The following TPRG1 variants were observed in gnomAD, a reference collection of about 807,000 sequenced individuals.
TPRG1 encodes tumor protein p63-regulated gene 1 protein.
TPRG1 carries 29 observed loss-of-function variants against 29.3 expected under a neutral mutation model. The observed-to-expected ratio is 0.99, with a 90% CI of 0.74 to 1.35. TPRG1 has a LOEUF of 1.35. TPRG1 is among the 40% of genes most tolerant of loss of function. The pLI is 0.00. For missense variants in TPRG1, 327 were observed against 335.0 expected (o/e 0.98, Z 0.19); for synonymous variants, 130 against 116.8 (o/e 1.11, Z -0.73).
intron 2 of TPRG1, among the ~76,000 whole-genome samples, chr3:189,212,893 G>A (rs1273816090): frequency 6.6e-6 from 1 of 152,202 alleles, no homozygotes; most frequent in Non-Finnish European, 1.5e-5. Context: ...GGAAATGTAA[G>A]GAAACAAACA....
At chr3:189,152,889 G>T (rs1409899794) in intron 5 of TPRG1, among the ~76,000 whole-genome samples, 4 of 150,806 alleles carry the variant, frequency 2.7e-5, no homozygotes, top group African/African-American at 7.3e-5. Context: ...TAAAAAGTAG[G>T]ATTGCTACCC....
chr3:189,271,784 A>C (rs922815975), intron 4 of TPRG1, among the ~76,000 whole-genome samples: 1 of 152,232 alleles, frequency 6.6e-6, no homozygotes, highest in Non-Finnish European at 1.5e-5. Flanking sequence ...GGGGAAAAGC[A>C]TGTGCTTGGG....
At position 189,314,759 on chromosome 3, in the gene TPRG1, A is replaced by G. The variant is rs1316687660; in HGVS notation, c.633+4220A>G. On this transcript the variant is annotated intron_variant, in intron 5 of 5. Transcript: ENST00000345063. ...ATCTATTGATTACAATTTGAATACT[A>G]TTTTCATGTAATTCAACTAATAAAA... Among the ~76,000 whole-genome samples the G allele has an allele frequency of 2.4e-4, 36 of 152,150 alleles. 1 individual carries two copies. Among genetic ancestry groups the G allele is most frequent in the Admixed American group, 2.4e-3 (36 of 15,272 alleles).
intron 3 of TPRG1, among the ~76,000 whole-genome samples, chr3:189,146,021 T>C (rs1449372496): frequency 2.0e-5 from 3 of 152,198 alleles, no homozygotes; most frequent in African/African-American, 7.2e-5. Context: ...AAAGCCAGGC[T>C]AAAATTGGTA....
chr3:189,184,798 T>C (rs926852086), intron 1 of TPRG1, among the ~76,000 whole-genome samples: 1 of 152,168 alleles, frequency 6.6e-6, no homozygotes. Flanking sequence ...ATCCCCTGCA[T>C]GGTGTACATC....
intron 1 of TPRG1, among the ~76,000 whole-genome samples, chr3:189,202,841 G>T (rs1262747593): frequency 6.6e-6 from 1 of 152,170 alleles, no homozygotes; most frequent in Non-Finnish European, 1.5e-5. Context: ...GTATCTCTCA[G>T]CCCAGAACTC....
At chr3:189,118,272 G>A (rs923428562) in intron 1 of TPRG1, among the ~76,000 whole-genome samples, 1 of 152,172 alleles carries the variant, frequency 6.6e-6, no homozygotes, top group Non-Finnish European at 1.5e-5. Flanking sequence ...GAGATCTGTG[G>A]AACTTGGAAT....
chr3:189,303,552 C>T (rs1156787678), intron 4 of TPRG1, among the ~76,000 whole-genome samples: 1 of 151,960 alleles, frequency 6.6e-6, no homozygotes, highest in Non-Finnish European at 1.5e-5. Context: ...TTTTTGACTA[C>T]CAGTCCAGGG....
intron 4 of TPRG1, among the ~76,000 whole-genome samples, chr3:189,297,910 G>A (rs1214797574): frequency 6.6e-6 from 1 of 152,144 alleles, no homozygotes; most frequent in African/African-American, 2.4e-5. Flanking sequence ...CTAAGGGACA[G>A]AACACTAGGA....
At chr3:189,016,333 T>C (rs1712932542) in intron 3 of TPRG1, among the ~76,000 whole-genome samples, 1 of 152,080 alleles carries the variant, frequency 6.6e-6, no homozygotes, top group East Asian at 1.9e-4. Flanking sequence ...TGTGCTGCCA[T>C]TGTATTTTGG....
intron 1 of TPRG1, among the ~76,000 whole-genome samples, chr3:189,195,827 G>T (rs1252545275): frequency 6.6e-6 from 1 of 152,180 alleles, no homozygotes; most frequent in African/African-American, 2.4e-5. Flanking sequence ...AGTGGTAGAG[G>T]CCTGGCATTT....
chr3:189,158,533 C>T (rs560180270), intron 5 of TPRG1, among the ~76,000 whole-genome samples: 3 of 151,928 alleles, frequency 2.0e-5, no homozygotes, highest in Non-Finnish European at 4.4e-5. Flanking sequence ...TGCTGGAACC[C>T]GGGAGGCTGA....
chr3:189,004,184 C>T (rs1348803563), intron 2 of TPRG1, among the ~76,000 whole-genome samples: 1 of 152,030 alleles, frequency 6.6e-6, no homozygotes, highest in African/African-American at 2.4e-5. Context: ...AAAAATTTAA[C>T]GTTTATCTGT....
intron 5 of TPRG1, among the ~76,000 whole-genome samples, chr3:189,160,691 G>C (rs1727355387): frequency 6.6e-6 from 1 of 152,192 alleles, no homozygotes; most frequent in Admixed American, 6.5e-5. Context: ...AAAGGCAAAA[G>C]CTCAGAGGGA....
At chr3:189,054,385 C>T (rs1715522054) in intron 4 of TPRG1, among the ~76,000 whole-genome samples, 2 of 147,468 alleles carry the variant, frequency 1.4e-5, no homozygotes, top group African/African-American at 2.5e-5. Flanking sequence ...GGCGCAGTGG[C>T]TTATGTTTGT....
At chr3:189,156,057 C>T (rs1010340713) in intron 5 of TPRG1, among the ~76,000 whole-genome samples, 1 of 152,096 alleles carries the variant, frequency 6.6e-6, no homozygotes, top group African/African-American at 2.4e-5. Flanking sequence ...AATCATTTCA[C>T]AATGCATAAC....
intron 4 of TPRG1, among the ~76,000 whole-genome samples, chr3:189,261,121 C>T (rs1459802109): frequency 1.3e-5 from 2 of 152,102 alleles, no homozygotes; most frequent in Non-Finnish European, 2.9e-5. Flanking sequence ...TAATTATGAA[C>T]ACAGAGCAAA....
At chr3:189,030,038 G>T (rs1456344291) in intron 4 of TPRG1, among the ~76,000 whole-genome samples, 1 of 152,154 alleles carries the variant, frequency 6.6e-6, no homozygotes, top group Non-Finnish European at 1.5e-5. Flanking sequence ...GCAACACGAA[G>T]ACAAACTGGG....
At chr3:189,219,748 G>T (rs1233131281) in intron 3 of TPRG1, 6 of 1,137,342 alleles carry the variant, frequency 5.3e-6, no homozygotes, top group Non-Finnish European at 5.5e-6. Flanking sequence ...AGTGTGAAGT[G>T]GTGGTGGGCG....
Sources: allele counts gnomAD v4.1 joint callset (sites outside exome capture counted in the v4.1 genomes callset), GRCh38; gene constraint gnomAD v4.1.1; transcripts MANE v1.5; gene names NCBI Gene and HGNC (gene_info 2026-07-23, HGNC 2026-07-21).